VOPP1: variants seen among roughly 807,000 people sequenced by gnomAD.
VOPP1 encodes VOPP1 WW domain binding protein.
In VOPP1, 8 loss-of-function variants were observed where a neutral mutation model predicts 23.5. That is an observed-to-expected ratio of 0.34 (90% confidence interval 0.20 to 0.61). The LOEUF is 0.61. Among genes scored for constraint, VOPP1 ranks in the 20% least tolerant of loss-of-function variants. The pLI is 0.78. For synonymous variants in VOPP1, 83 were observed against 97.3 expected, an observed-to-expected ratio of 0.85 and a Z score of 0.86; for missense variants, 174 against 238.1, an observed-to-expected ratio of 0.73 and a Z score of 1.77.
At chr7:55,567,340 G>C (rs554531523) in intron 1 of VOPP1, among the ~76,000 whole-genome samples, 1 of 152,232 alleles carries the variant, frequency 6.6e-6, no homozygotes, top group Non-Finnish European at 1.5e-5. Context: ...TATGGGAAAA[G>C]GAGGATATTG....
chr7:55,540,066 T>C (rs1797049578), intron 1 of VOPP1, among the ~76,000 whole-genome samples: 1 of 152,010 alleles, frequency 6.6e-6, no homozygotes, highest in Non-Finnish European at 1.5e-5. Context: ...TTGGCGAACT[T>C]CCCTGGCTAG....
In VOPP1 at chr7:55,448,432, G is replaced by A. The variant is rs377242657; in HGVS notation, n.418-12258C>T. Among the ~76,000 whole-genome samples the A allele has an allele frequency of 1.4e-3, 207 of 152,312 alleles. 13 individuals are homozygous for A. The South Asian group carries it at 0.043, about 31-fold the overall frequency. On this transcript the variant is annotated intron_variant and non_coding_transcript_variant, in intron 4 of 4. Coordinates refer to the VOPP1 transcript ENST00000462326. ...GGACCTCATTTCTATTTCTGAAGTGGGATGGGCGTACAGTGTGTTCATGTT... is the reference window on the plus strand; with the variant it reads ...GGACCTCATTTCTATTTCTGAAGTGAGATGGGCGTACAGTGTGTTCATGTT...
intron 1 of VOPP1, among the ~76,000 whole-genome samples, chr7:55,551,040 T>C (rs917648771): frequency 1.3e-4 from 20 of 152,060 alleles, no homozygotes; most frequent in African/African-American, 4.8e-4. Flanking sequence ...AAGGGGCACA[T>C]GACAGCATGA....
intron 4 of VOPP1, among the ~76,000 whole-genome samples, chr7:55,485,856 C>A (rs145321690): frequency 0.012 from 1,790 of 152,362 alleles, 12 homozygotes; most frequent in Middle Eastern, 0.02. Flanking sequence ...AAGGGCCGGA[C>A]GCAGCCATTT....
chr7:55,492,031 C>T (rs1002911955), intron 4 of VOPP1, among the ~76,000 whole-genome samples: 1 of 152,142 alleles, frequency 6.6e-6, no homozygotes, highest in East Asian at 1.9e-4. Context: ...TACGCTTATA[C>T]AAACTGCATC....
intron 2 of VOPP1, among the ~76,000 whole-genome samples, chr7:55,503,138 G>A (rs1482102358): frequency 6.6e-6 from 1 of 152,226 alleles, no homozygotes; most frequent in Non-Finnish European, 1.5e-5. Context: ...TCCACTCTGA[G>A]CAGCTGCTGA....
chr7:55,529,649 T>G (rs1366235723), intron 1 of VOPP1, among the ~76,000 whole-genome samples: 4 of 152,182 alleles, frequency 2.6e-5, no homozygotes. Context: ...TTTTAGGAAA[T>G]GTATACAGCT....
intron 4 of VOPP1, among the ~76,000 whole-genome samples, chr7:55,485,451 A>G (rs1244427745): frequency 3.3e-5 from 5 of 152,280 alleles, no homozygotes; most frequent in Admixed American, 2.6e-4. Flanking sequence ...ATGGAAATGC[A>G]TGTCATATTT....
Position 55,537,554 on chromosome 7 carries a change from C to T in VOPP1, c.55-16424G>A, listed in dbSNP as rs543561517. 7.0e-5 allele frequency: 107 copies of T among 1,535,964 alleles called. 1 individual carries two copies. The South Asian group carries it at 1.1e-3, about 16-fold the overall frequency. The stretch of plus-strand genomic sequence containing the variant: ...CTGTTAGGCGCAAGGATGCAGGCAG[C>T]GCACCTCCTCGCCAGCCAGTCGCCC... On this transcript the variant is annotated intron_variant, in intron 1 of 4. Coordinates refer to ENST00000285279, the MANE Select transcript of VOPP1 (RefSeq NM_030796.5).
At chr7:55,450,877 G>A (rs557025101) in intron 4 of VOPP1, among the ~76,000 whole-genome samples, 2 of 152,364 alleles carry the variant, frequency 1.3e-5, no homozygotes, top group South Asian at 2.1e-4. Context: ...TATCAGCACT[G>A]TTTGTGATTT....
In VOPP1 at chr7:55,472,811, G is replaced by A; in HGVS notation, c.*44C>T. 1 of 951,990 alleles carries A rather than the reference G, an allele frequency of 1.1e-6. No individual in the cohort carries two copies. Among genetic ancestry groups the A allele is most frequent in the Non-Finnish European group, 1.5e-6 (1 of 687,556 alleles). 59.0% of individuals were successfully genotyped at this position (951,990 alleles called of 1,614,324 possible). A position where few individuals can be genotyped will look rare whatever the true frequency, so the allele number is the denominator to read the frequency against. Reference sequence around the variant, plus strand: ...ACATCAACGAAGACAGAAAGGCCAGGGAAAGGCCCTCTCCTGTCTCTCCTC... The same window carrying A: ...ACATCAACGAAGACAGAAAGGCCAGAGAAAGGCCCTCTCCTGTCTCTCCTC... On this transcript the variant is annotated 3_prime_UTR_variant, in exon 5 of 5. Transcript: ENST00000285279.
In VOPP1 at chr7:55,560,740, C is replaced by G. The variant is rs974083237; in HGVS notation, c.54+11531G>C. Reference sequence around the variant, plus strand: ...CACAGAGGTCACAGCAAGTTCTTCTCTAGTAGGCCAGTAGCCTCACTCTCC... The same window carrying G: ...CACAGAGGTCACAGCAAGTTCTTCTGTAGTAGGCCAGTAGCCTCACTCTCC... On this transcript the variant is annotated intron_variant, in intron 1 of 4. Coordinates refer to ENST00000285279, the MANE Select transcript of VOPP1 (RefSeq NM_030796.5). Among the ~76,000 whole-genome samples the G allele has an allele frequency of 2.6e-5, 4 of 152,308 alleles. No individual in the cohort carries two copies. In the South Asian group the frequency reaches 6.2e-4, roughly 24 times the overall value.
chr7:55,477,627 A>C, intron 4 of VOPP1, among the ~76,000 whole-genome samples: 1 of 152,248 alleles, frequency 6.6e-6, no homozygotes, highest in Non-Finnish European at 1.5e-5. Context: ...AACCAGAAAC[A>C]CCAGCACCTG....
intron 1 of VOPP1, among the ~76,000 whole-genome samples, chr7:55,570,060 C>T (rs1327995642): frequency 6.6e-6 from 1 of 152,136 alleles, no homozygotes; most frequent in Non-Finnish European, 1.5e-5. Context: ...CAAATAGCTC[C>T]CTGGGTTGCT....
chr7:55,439,636 T>C (rs1790915838), intron 4 of VOPP1, among the ~76,000 whole-genome samples: 1 of 152,138 alleles, frequency 6.6e-6, no homozygotes, highest in South Asian at 2.1e-4. Flanking sequence ...GGGGCTGGTG[T>C]CCCGGGACTA....
At chr7:55,497,554 T>TGGGGGGGGGGG in intron 3 of VOPP1, 59 bp downstream of exon 3, 2 of 973,972 alleles carry the variant, frequency 2.1e-6, no homozygotes, top group Non-Finnish European at 2.9e-6. Flanking sequence ...ACAACACTGA[T>TGGGGGGGGGGG]GGGGGGGGGG....
chr7:55,441,287 A>C (rs1181771447), intron 4 of VOPP1, among the ~76,000 whole-genome samples: 3 of 152,172 alleles, frequency 2.0e-5, no homozygotes. Flanking sequence ...GTACAACTAC[A>C]AAACCAAAAA....
chr7:55,506,508 T>A (rs1448750763), intron 2 of VOPP1, among the ~76,000 whole-genome samples: 2 of 148,356 alleles, frequency 1.3e-5, no homozygotes, highest in Admixed American at 1.3e-4. Flanking sequence ...GCTAATTTTT[T>A]ATATTTTTGG....
At chr7:55,524,736 G>A (rs1348696815) in intron 1 of VOPP1, among the ~76,000 whole-genome samples, 3 of 152,162 alleles carry the variant, frequency 2.0e-5, no homozygotes, top group South Asian at 2.1e-4. Context: ...TGAGGAGGAC[G>A]CAGCCTCGTG....
Sources: allele counts gnomAD v4.1 joint callset (sites outside exome capture counted in the v4.1 genomes callset), GRCh38; gene constraint gnomAD v4.1.1; transcripts MANE v1.5; gene names NCBI Gene and HGNC (gene_info 2026-07-23, HGNC 2026-07-21).